BMPER: variants seen among roughly 807,000 people sequenced by gnomAD.
BMPER encodes the protein BMP-binding endothelial regulator protein.
Under a neutral mutation model 87.3 loss-of-function variants are expected in BMPER, and 45 were observed. The ratio of observed to expected loss-of-function variants is 0.52; its 90% confidence interval spans 0.41 to 0.66. The LOEUF is 0.66. BMPER is among the 30% of genes least tolerant of loss of function. The pLI is 0.00. For missense variants in BMPER, 784 were observed against 867.5 expected (o/e 0.90, Z 1.21); for synonymous variants, 326 against 316.2 (o/e 1.03, Z -0.33).
intron 7 of BMPER, among the ~76,000 whole-genome samples, chr7:34,048,988 CT>C (rs1788068410): frequency 6.6e-6 from 1 of 152,186 alleles, no homozygotes; most frequent in African/African-American, 2.4e-5. Flanking sequence ...CAAACAAACA[CT>C]GGGATGCTTT....
intron 11 of BMPER, among the ~76,000 whole-genome samples, chr7:34,064,953 C>T (rs191456724): frequency 7.8e-4 from 118 of 152,204 alleles, no homozygotes; most frequent in Admixed American, 3.3e-3. Context: ...GCTGTGGCTT[C>T]GAGACCTCCT....
intron 2 of BMPER, among the ~76,000 whole-genome samples, chr7:33,913,879 C>T (rs1784024147): frequency 6.6e-6 from 1 of 152,142 alleles, no homozygotes; most frequent in African/African-American, 2.4e-5. Flanking sequence ...CCCTGCCTTA[C>T]ACTGCTGCGT....
intron 13 of BMPER, among the ~76,000 whole-genome samples, chr7:34,094,974 G>A (rs990141468): frequency 1.2e-4 from 19 of 152,100 alleles, no homozygotes; most frequent in Middle Eastern, 3.2e-3. Context: ...AGACTCGTTC[G>A]GAATAACTTC....
intron 2 of BMPER, among the ~76,000 whole-genome samples, chr7:33,923,459 A>C (rs746634319): frequency 6.6e-6 from 1 of 152,162 alleles, no homozygotes; most frequent in Non-Finnish European, 1.5e-5. Context: ...ATTTTCCTAA[A>C]CTTAAGTCAA....
intron 6 of BMPER, among the ~76,000 whole-genome samples, chr7:34,039,755 A>C (rs918026618): frequency 2.0e-5 from 3 of 151,916 alleles, no homozygotes; most frequent in African/African-American, 7.3e-5. Flanking sequence ...CACCTCTGTT[A>C]ATGTTTTTAA....
chr7:34,028,532 C>A (rs1177950196), intron 6 of BMPER, among the ~76,000 whole-genome samples: 1 of 137,578 alleles, frequency 7.3e-6, no homozygotes, highest in Non-Finnish European at 1.5e-5. Flanking sequence ...CTAAGCTATA[C>A]TTTTCATATG....
At chr7:34,144,292 G>A (rs1226247872) in intron 14 of BMPER, among the ~76,000 whole-genome samples, 4 of 151,790 alleles carry the variant, frequency 2.6e-5, no homozygotes, top group East Asian at 1.9e-4. Flanking sequence ...AGGGGAAGAG[G>A]GGCGCAAGAG....
chr7:33,935,619 A>G (rs1784584663), intron 2 of BMPER, among the ~76,000 whole-genome samples: 1 of 151,948 alleles, frequency 6.6e-6, no homozygotes, highest in Non-Finnish European at 1.5e-5. Flanking sequence ...AGAGAAGGAG[A>G]AAGAGAGAGA....
At chr7:34,126,508 T>C (rs1790406350) in intron 13 of BMPER, among the ~76,000 whole-genome samples, 1 of 152,206 alleles carries the variant, frequency 6.6e-6, no homozygotes. Flanking sequence ...CACATTATTA[T>C]AAGAAATGGT....
At position 34,034,976 on chromosome 7, in the gene BMPER, A is replaced by AC. The variant is rs200605014; in HGVS notation, c.577-11324dup. On this transcript the variant is annotated intron_variant, in intron 6 of 14. Transcript: ENST00000649409. Reference sequence around the variant, plus strand: ...AACACTAGCTTTGGCTCATGCTGGGACCCCCCACCACAGCTGGTGCCAACA... The same window carrying AC: ...AACACTAGCTTTGGCTCATGCTGGGACCCCCCCACCACAGCTGGTGCCAACA... Among the ~76,000 whole-genome samples the AC allele has an allele frequency of 7.8e-3, 1,192 of 152,010 alleles. 18 individuals are homozygous for AC. Among genetic ancestry groups the AC allele is most frequent in the African/African-American group, 0.027 (1,121 of 41,444 alleles).
At chr7:34,019,439 AT>A (rs1259302793) in intron 6 of BMPER, among the ~76,000 whole-genome samples, 2 of 151,996 alleles carry the variant, frequency 1.3e-5, no homozygotes, top group Non-Finnish European at 2.9e-5. Context: ...CATTAGAAAT[AT>A]TTTTTCCCTC....
At chr7:34,036,005 TC>T in intron 6 of BMPER, among the ~76,000 whole-genome samples, 1 of 152,316 alleles carries the variant, frequency 6.6e-6, no homozygotes, top group South Asian at 2.1e-4. Flanking sequence ...TTAGTGCCTA[TC>T]CAATGTTGTT....
In BMPER at chr7:34,131,125, G is replaced by A. The variant is rs138928154; in HGVS notation, c.1746-12105G>A. On this transcript the variant is annotated intron_variant, in intron 13 of 14. Transcript: ENST00000649409. ...GGTGTGGGGAAGCTGGCATGGAGGGGAAGGCCTGTGGTGTTTATGATTTGG... is the reference window on the plus strand; with the variant it reads ...GGTGTGGGGAAGCTGGCATGGAGGGAAAGGCCTGTGGTGTTTATGATTTGG... 4.3e-3 allele frequency among the ~76,000 whole-genome samples: 656 copies of A among 152,200 alleles called. 3 individuals are homozygous for A. The highest frequency in any genetic ancestry group is 0.014 in the African/African-American group (580 of 41,528).
intron 14 of BMPER, among the ~76,000 whole-genome samples, chr7:34,144,564 T>C (rs1266618181): frequency 1.3e-5 from 2 of 150,266 alleles, no homozygotes; most frequent in African/African-American, 4.9e-5. Context: ...TGGCAGTGCA[T>C]GTGGAGAGGA....
intron 6 of BMPER, among the ~76,000 whole-genome samples, chr7:34,044,735 A>T (rs12539069): frequency 2.9e-4 from 44 of 152,026 alleles, no homozygotes; most frequent in Non-Finnish European, 1.3e-4. Flanking sequence ...GTATTTTCGC[A>T]TGTTCTCTAT....
At chr7:34,073,139 T>C (rs893164159) in intron 11 of BMPER, among the ~76,000 whole-genome samples, 4 of 152,206 alleles carry the variant, frequency 2.6e-5, no homozygotes, top group African/African-American at 9.6e-5. Context: ...AACTCATTCA[T>C]TCAACAGACA....
intron 13 of BMPER, 149 bp downstream of exon 13, chr7:34,086,241 T>A: frequency 2.2e-6 from 2 of 911,404 alleles, no homozygotes; most frequent in Non-Finnish European, 3.4e-6. Flanking sequence ...GCTGATCTCA[T>A]CTTGAGTCAG....
chr7:34,089,644 C>T (rs577248960), intron 13 of BMPER, among the ~76,000 whole-genome samples: 34 of 152,042 alleles, frequency 2.2e-4, no homozygotes, highest in Non-Finnish European at 4.3e-4. Context: ...CCACCACACC[C>T]GGCTAATTTC....
At chr7:34,115,963 C>T (rs1790107679) in intron 13 of BMPER, among the ~76,000 whole-genome samples, 1 of 152,222 alleles carries the variant, frequency 6.6e-6, no homozygotes, top group Non-Finnish European at 1.5e-5. Flanking sequence ...GATTTCTCCA[C>T]ATCCTTGCCA....
Sources: allele counts gnomAD v4.1 joint callset (sites outside exome capture counted in the v4.1 genomes callset), GRCh38; gene constraint gnomAD v4.1.1; transcripts MANE v1.5; gene names NCBI Gene and HGNC (gene_info 2026-07-23, HGNC 2026-07-21).